The following SYN3 variants were observed in gnomAD, a reference collection of about 807,000 sequenced individuals.
SYN3 encodes synapsin-3.
In SYN3, 35 loss-of-function variants were observed where a neutral mutation model predicts 65.8. The ratio of observed to expected loss-of-function variants is 0.53; its 90% CI spans 0.41 to 0.70. The LOEUF (loss-of-function observed/expected upper bound fraction) is 0.70. Ranked by LOEUF, SYN3 falls within the 30% of genes least tolerant of loss-of-function variation. The probability of loss-of-function intolerance (pLI) is 0.00; values close to 1 mark genes in which losing one functional copy is unlikely to be tolerated. For missense variants in SYN3, 680 were observed against 749.0 expected (o/e 0.91, Z 1.08); for synonymous variants, 270 against 292.9 (o/e 0.92, Z 0.80).
intron 12 of SYN3, among the ~76,000 whole-genome samples, chr22:32,521,258 A>G (rs2146092655): frequency 6.6e-6 from 1 of 152,250 alleles, no homozygotes. Context: ...CTCTGTCACT[A>G]TGGAAGTGAG....
At chr22:32,730,959 C>G (rs1569179993) in intron 6 of SYN3, among the ~76,000 whole-genome samples, 1 of 152,134 alleles carries the variant, frequency 6.6e-6, no homozygotes, top group Non-Finnish European at 1.5e-5. Flanking sequence ...TCCAGGATGG[C>G]CTTTCATGAC....
chr22:32,517,999 C>T, intron 13 of SYN3, 44 bp downstream of exon 13: 4 of 1,454,300 alleles, frequency 2.8e-6, no homozygotes, highest in Non-Finnish European at 3.6e-6. Context: ...TCTGCCTACA[C>T]CCCAGCTCTA....
intron 7 of SYN3, among the ~76,000 whole-genome samples, chr22:32,546,799 T>C (rs1306700852): frequency 6.6e-6 from 1 of 152,272 alleles, no homozygotes; most frequent in South Asian, 2.1e-4. Flanking sequence ...ATGGGGCCAC[T>C]GTGAACTCTC....
chr22:32,556,047 AC>A (rs2058490844), intron 7 of SYN3, among the ~76,000 whole-genome samples: 1 of 152,018 alleles, frequency 6.6e-6, no homozygotes, highest in African/African-American at 2.4e-5. Flanking sequence ...ACTTGCAAAA[AC>A]CCTAAAGCAG....
rs2058868441 is a variant in SYN3 at position 32,577,446 on chromosome 22, C to CA, written c.774+19227_774+19228insT. On this transcript the variant is annotated intron_variant, in intron 7 of 13. Coordinates refer to ENST00000358763, the MANE Select transcript of SYN3 (RefSeq NM_003490.4). ...GCTAGAAAGGGACCCCCTTGGGAGG[C>CA]CCAATGTCCATTCATCTTTGGATCC... is the stretch of plus-strand genomic sequence containing the variant. 4.6e-5 allele frequency among the ~76,000 whole-genome samples: 7 copies of CA among 152,302 alleles called. 1 individual carries two copies. In the South Asian group the frequency reaches 1.5e-3, roughly 32 times the overall value.
At chr22:32,638,402 G>C (rs1235615502) in intron 6 of SYN3, among the ~76,000 whole-genome samples, 1 of 152,150 alleles carries the variant, frequency 6.6e-6, no homozygotes, top group Admixed American at 6.5e-5. Context: ...TTTCCAGAGT[G>C]GCTGAATTAA....
chr22:32,703,025 G>A (rs1368101585), intron 6 of SYN3, among the ~76,000 whole-genome samples: 4 of 152,138 alleles, frequency 2.6e-5, no homozygotes. Context: ...TAGATGCTGG[G>A]GTTAGTTAGA....
intron 6 of SYN3, among the ~76,000 whole-genome samples, chr22:32,742,325 C>G (rs1326930626): frequency 6.6e-6 from 1 of 152,014 alleles, no homozygotes; most frequent in East Asian, 1.9e-4. Context: ...AAGCACCAAG[C>G]CCTTAGTCAC....
At chr22:32,893,303 G>C (rs1188906176) in intron 4 of SYN3, among the ~76,000 whole-genome samples, 2 of 152,212 alleles carry the variant, frequency 1.3e-5, no homozygotes, top group Non-Finnish European at 2.9e-5. Flanking sequence ...TAGGCACTGG[G>C]CTGTGGAGAT....
At chr22:32,800,233 C>A (rs1023928924) in intron 6 of SYN3, among the ~76,000 whole-genome samples, 2 of 152,142 alleles carry the variant, frequency 1.3e-5, no homozygotes, top group African/African-American at 4.8e-5. Flanking sequence ...AAACTTGTGG[C>A]ATTTCTAACA....
At chr22:32,843,667 C>G (rs1261434617) in intron 6 of SYN3, among the ~76,000 whole-genome samples, 1 of 152,130 alleles carries the variant, frequency 6.6e-6, no homozygotes, top group Admixed American at 6.5e-5. Context: ...CTTCCAGATC[C>G]CTCTTTTCCT....
intron 6 of SYN3, among the ~76,000 whole-genome samples, chr22:32,673,586 C>T (rs1251448515): frequency 4.6e-5 from 7 of 152,204 alleles, no homozygotes; most frequent in Non-Finnish European, 7.3e-5. Flanking sequence ...TGGGAGTTCC[C>T]AGGAGGGTAC....
At chr22:32,844,742 C>A (rs971060748) in intron 6 of SYN3, among the ~76,000 whole-genome samples, 2 of 150,538 alleles carry the variant, frequency 1.3e-5, no homozygotes, top group African/African-American at 4.9e-5. Flanking sequence ...CAGAGTCTTG[C>A]TCTGTCACCC....
chr22:33,033,130 AC>A (rs1487901434), intron 1 of SYN3, among the ~76,000 whole-genome samples: 16 of 151,566 alleles, frequency 1.1e-4, no homozygotes, highest in Admixed American at 2.0e-4. Context: ...ACAGGCACCC[AC>A]CACCACGCCC....
chr22:32,862,357 T>G (rs1191486768), intron 6 of SYN3: 1 of 152,242 alleles, frequency 6.6e-6, no homozygotes, highest in African/African-American at 2.4e-5. Context: ...TAGGTAATAC[T>G]GGGAGACTCC....
chr22:32,560,311 C>T (rs2058568854), intron 7 of SYN3, among the ~76,000 whole-genome samples: 2 of 152,172 alleles, frequency 1.3e-5, no homozygotes, highest in South Asian at 4.1e-4. Context: ...TGCCTTAGGC[C>T]TCTTGGTCGA....
chr22:32,544,176 G>T (rs1463562956), intron 7 of SYN3, among the ~76,000 whole-genome samples: 1 of 152,170 alleles, frequency 6.6e-6, no homozygotes, highest in African/African-American at 2.4e-5. Context: ...TGGTTCAAGC[G>T]ATCTTTCCGC....
chr22:32,672,602 T>TA, intron 6 of SYN3, among the ~76,000 whole-genome samples: 1 of 152,352 alleles, frequency 6.6e-6, no homozygotes, highest in South Asian at 2.1e-4. Context: ...CACAGGCTGC[T>TA]ATGTCCCTCC....
At chr22:32,835,809 C>G (rs1286887648) in intron 6 of SYN3, among the ~76,000 whole-genome samples, 2 of 152,158 alleles carry the variant, frequency 1.3e-5, no homozygotes, top group Non-Finnish European at 2.9e-5. Context: ...CATTGAGAGC[C>G]CTGGGGCCCA....
Sources: allele counts gnomAD v4.1 joint callset (sites outside exome capture counted in the v4.1 genomes callset), GRCh38; gene constraint gnomAD v4.1.1; transcripts MANE v1.5; gene names NCBI Gene and HGNC (gene_info 2026-07-23, HGNC 2026-07-21).